SLC5A1: variants seen among roughly 807,000 people sequenced by gnomAD.
SLC5A1 encodes solute carrier family 5 member 1.
A neutral mutation model predicts 73.5 loss-of-function variants in SLC5A1; 42 were observed. That is an observed-to-expected ratio of 0.57 (90% confidence interval 0.45 to 0.74). The LOEUF (loss-of-function observed/expected upper bound fraction) is 0.74, where lower values mean the gene tolerates loss of function less well. SLC5A1 is among the 30% of genes least tolerant of loss of function. SLC5A1 has a pLI of 0.00. For synonymous variants in SLC5A1, 300 were observed against 317.4 expected (o/e 0.95, Z 0.58); for missense variants, 634 against 855.4 (o/e 0.74, Z 3.23).
In SLC5A1 at chr22:32,084,912, C is replaced by T. The variant is rs201079555; in HGVS notation, c.898C>T (p.Arg300Cys). 3 of 1,614,176 alleles carry T rather than the reference C, an allele frequency of 1.9e-6. No individual in the cohort carries two copies. Among genetic ancestry groups the T allele is most frequent in the South Asian group, 1.1e-5 (1 of 91,078 alleles). Residue 300 changes from arginine (R) to cysteine (C), a missense_variant, in exon 9 of 15, where the codon CGC (arginine) becomes TGC (cysteine). Physicochemically the swap from Arg to Cys is radical, Grantham distance 180 (BLOSUM62 -3). Around this residue, in one of 3 missense-constraint regions of SLC5A1, gnomAD observed 422 missense variants for 626.1 expected, o/e 0.67. Coordinates refer to ENST00000266088, the MANE Select transcript of SLC5A1 (RefSeq NM_000343.4). ...CTTTTTCTGGCAGGTCATTGTGCAG[C>T]GCTGCCTCTCAGCCAAGAATATGTC... ...YWCTDQVIVQ[R>C]CLSAKNMSHV...
At chr22:32,058,069 C>A (rs1222313423) in intron 2 of SLC5A1, among the ~76,000 whole-genome samples, 1 of 152,106 alleles carries the variant, frequency 6.6e-6, no homozygotes, top group Admixed American at 6.6e-5. Flanking sequence ...CCAAGATAAT[C>A]ATTGTTAAAT....
At chr22:32,107,745 T>C (rs760483250) in intron 14 of SLC5A1, among the ~76,000 whole-genome samples, 2 of 152,198 alleles carry the variant, frequency 1.3e-5, no homozygotes, top group Non-Finnish European at 2.9e-5. Context: ...TTCTGTTGTG[T>C]CTTCATGAAC....
At chr22:32,047,949 T>A (rs4820068) in intron 1 of SLC5A1, among the ~76,000 whole-genome samples, 6,811 of 152,012 alleles carry the variant, frequency 0.045, 205 homozygotes, top group Non-Finnish European at 0.07. Flanking sequence ...TCACCTGAGA[T>A]CAGGAGTTCA....
intron 2 of SLC5A1, among the ~76,000 whole-genome samples, chr22:32,057,295 C>T (rs570969358): frequency 3.3e-5 from 5 of 152,316 alleles, no homozygotes; most frequent in Non-Finnish European, 5.9e-5. Flanking sequence ...GAGATATGAT[C>T]TCACTCTGTT....
At chr22:32,105,039 T>C in intron 14 of SLC5A1, 148 bp downstream of exon 14, 1 of 700,414 alleles carries the variant, frequency 1.4e-6, no homozygotes, top group East Asian at 2.7e-5. Flanking sequence ...ATGAGATGGA[T>C]AAGTGGGTTT....
At chr22:32,049,894 A>G in intron 1 of SLC5A1, 49 bp from the exon 2 acceptor site, 1 of 1,505,866 alleles carries the variant, frequency 6.6e-7, no homozygotes, top group Non-Finnish European at 9.2e-7. Flanking sequence ...TTGGCTGGCA[A>G]GGCCACTCTT....
chr22:32,086,430 T>C, intron 10 of SLC5A1, 103 bp downstream of exon 10: 1 of 823,010 alleles, frequency 1.2e-6, no homozygotes, highest in Admixed American at 1.9e-5. Flanking sequence ...AGACATTTCT[T>C]AGCCGGGGGG....
At chr22:32,089,915 T>C (rs1247846102) in intron 10 of SLC5A1, among the ~76,000 whole-genome samples, 1 of 152,152 alleles carries the variant, frequency 6.6e-6, no homozygotes, top group Non-Finnish European at 1.5e-5. Flanking sequence ...ATAGAGATTA[T>C]AGCCAACCAG....
intron 5 of SLC5A1, among the ~76,000 whole-genome samples, chr22:32,072,279 T>C (rs1216589802): frequency 6.6e-6 from 1 of 152,176 alleles, no homozygotes; most frequent in Non-Finnish European, 1.5e-5. Flanking sequence ...GTACTCAGTG[T>C]TTAGGTCTCA....
chr22:32,091,805 G>A (rs1255683786), intron 11 of SLC5A1, 43 bp downstream of exon 11: 2 of 1,607,246 alleles, frequency 1.2e-6, no homozygotes, highest in Non-Finnish European at 1.7e-6. Flanking sequence ...TGAATGATCA[G>A]AGAGGTTCCA....
chr22:32,047,460 A>C (rs1262794898), intron 1 of SLC5A1, among the ~76,000 whole-genome samples: 1 of 150,032 alleles, frequency 6.7e-6, no homozygotes, highest in Non-Finnish European at 1.5e-5. Flanking sequence ...GGTCCTTGGG[A>C]ATTTTTTCTG....
At chr22:32,099,892 A>G (rs1388418485) in intron 12 of SLC5A1, among the ~76,000 whole-genome samples, 1 of 152,216 alleles carries the variant, frequency 6.6e-6, no homozygotes, top group East Asian at 1.9e-4. Context: ...CCTGGTGCAC[A>G]AGCAGTTTAT....
intron 5 of SLC5A1, 32 bp downstream of exon 5, chr22:32,068,632 C>A: frequency 7.0e-7 from 1 of 1,433,064 alleles, no homozygotes; most frequent in Non-Finnish European, 9.8e-7. Flanking sequence ...GCTGGGCTGT[C>A]TCAGAAGCTG....
At chr22:32,095,259 A>G (rs1336898573) in intron 11 of SLC5A1, among the ~76,000 whole-genome samples, 1 of 152,174 alleles carries the variant, frequency 6.6e-6, no homozygotes, top group African/African-American at 2.4e-5. Flanking sequence ...TTTGTGGCCT[A>G]TCATATAGTC....
At chr22:32,049,165 C>CAT (rs1342755705) in intron 1 of SLC5A1, among the ~76,000 whole-genome samples, 93 of 1,874 alleles carry the variant, frequency 0.05, 1 homozygote, top group South Asian at 0.1. Flanking sequence ...TATATATAAT[C>CAT]TATATCTATA....
chr22:32,054,920 C>A (rs2093949602), intron 2 of SLC5A1, among the ~76,000 whole-genome samples: 1 of 152,076 alleles, frequency 6.6e-6, no homozygotes. Context: ...TGTGATCTGC[C>A]CACCTTGGCC....
chr22:32,089,544 T>C (rs1487000725), intron 10 of SLC5A1, among the ~76,000 whole-genome samples: 1 of 151,818 alleles, frequency 6.6e-6, no homozygotes, highest in Non-Finnish European at 1.5e-5. Flanking sequence ...GAAGAGAGAG[T>C]TCAAGGGAAC....
At chr22:32,044,749 T>C (rs928928564) in intron 1 of SLC5A1, among the ~76,000 whole-genome samples, 13 of 152,124 alleles carry the variant, frequency 8.5e-5, no homozygotes, top group Admixed American at 2.6e-4. Context: ...AACTTTAACA[T>C]AGGTACACTC....
intron 10 of SLC5A1, 27 bp downstream of exon 10, chr22:32,086,354 A>G (rs759560957): frequency 1.3e-6 from 2 of 1,499,668 alleles, no homozygotes; most frequent in African/African-American, 2.8e-5. Context: ...GGAGGTTGGT[A>G]GAGTCTTTCT....
Sources: gnomAD v4.1 joint callset for allele counts (sites outside exome capture counted in the v4.1 genomes callset) on GRCh38, gnomAD v4.1.1 for gene constraint, gnomAD v4.1.1 regional missense constraint, MANE v1.5 for transcripts, NCBI Gene and HGNC (gene_info 2026-07-23, HGNC 2026-07-21) for gene names.